Variants in PSMC3IP observed in about 807,000 individuals in gnomAD.
PSMC3IP encodes the protein homologous-pairing protein 2 homolog.
In PSMC3IP, 26 loss-of-function variants were observed where a neutral mutation model predicts 34.9. The observed-to-expected ratio is 0.74, with a 90% confidence interval of 0.55 to 1.03. The LOEUF (loss-of-function observed/expected upper bound fraction) is 1.03, where lower values mean the gene tolerates loss of function less well. PSMC3IP is among the 50% of genes least tolerant of loss of function. The pLI, the probability that PSMC3IP is intolerant of heterozygous loss-of-function variation, is 0.00. For missense variants in PSMC3IP, 250 were observed against 263.1 expected (o/e 0.95, Z 0.34); for synonymous variants, 87 against 96.5 (o/e 0.90, Z 0.57).
chr17:42,572,950 G>T lies in PSMC3IP; in HGVS notation c.*18C>A, dbSNP rs1160321417. 6 of 1,613,408 alleles carry T rather than the reference G, an allele frequency of 3.7e-6. No homozygotes were observed. In the South Asian group the frequency reaches 6.6e-5, roughly 18 times the overall value. On this transcript the variant is annotated 3_prime_UTR_variant, in exon 8 of 8. Coordinates refer to ENST00000393795, the MANE Select transcript of PSMC3IP (RefSeq NM_016556.4). The stretch of plus-strand genomic sequence containing the variant: ...TTCTGACATCCTGCAGTCCCCACCA[G>T]TCCTGACCGTGGGCCCCTCAGGGGT...
Position 42,574,255 on chromosome 17 carries a change from C to T in PSMC3IP, c.226-45G>A, listed in dbSNP as rs763312711. On this transcript the variant is annotated intron_variant, in intron 3 of 7. Coordinates refer to ENST00000393795, the MANE Select transcript of PSMC3IP (RefSeq NM_016556.4). Reference sequence around the variant, plus strand: ...AATACAAGTGAACTGTTGTGAGGCACAAAGATGGGAACACACACCTGGGAA... The same window carrying T: ...AATACAAGTGAACTGTTGTGAGGCATAAAGATGGGAACACACACCTGGGAA... The T allele has an allele frequency of 2.5e-6, 4 of 1,593,240 alleles. No homozygotes were observed. In the African/African-American group the frequency reaches 5.4e-5, roughly 21 times the overall value.
intron 4 of PSMC3IP, 50 bp from the exon 5 acceptor site, chr17:42,573,673 C>G: frequency 6.2e-7 from 1 of 1,602,098 alleles, no homozygotes; most frequent in Non-Finnish European, 8.5e-7. Context: ...GGAAGGAGTT[C>G]TGTCTTTCCC....
In PSMC3IP at chr17:42,577,307, C is replaced by T; in HGVS notation, c.136-5G>A. 2 of 1,613,920 alleles carry T rather than the reference C, an allele frequency of 1.2e-6. No homozygotes were observed. Among genetic ancestry groups the T allele is most frequent in the East Asian group, 2.2e-5 (1 of 44,880 alleles). On this transcript the variant is annotated splice_polypyrimidine_tract_variant and splice_region_variant and intron_variant, in intron 2 of 7. Transcript: ENST00000393795. ...CTCCAGCGTCTTCACCACCACCTGG[C>T]AGAGGAGAGAGAAGGAGCAATCAGA...
intron 3 of PSMC3IP, chr17:42,576,641 TA>T (rs903191339): frequency 5.5e-6 from 1 of 180,438 alleles, no homozygotes; most frequent in African/African-American, 2.4e-5. Flanking sequence ...CTATAAAAAT[TA>T]AAAAAATAAA....
In PSMC3IP at chr17:42,577,654, T is replaced by G; in HGVS notation, c.33A>C (p.Gly11=). 1 of 1,614,042 alleles carries G rather than the reference T, an allele frequency of 6.2e-7. No homozygotes were observed. Among genetic ancestry groups the G allele is most frequent in the South Asian group, 1.1e-5 (1 of 91,072 alleles). ...TCCCCGCGCCCACGGCGCCGTTACC[T>G]CCCGCCGCAGCTTCTGCCCGGCCTT... MSKGRAEAAA[G]AAGILLRYLQ... is the part of the protein sequence containing the mutation. Residue 11 remains glycine (G), a splice_region_variant and synonymous_variant, in exon 1 of 8, where the codon GGA becomes GGC. Transcript: ENST00000393795.
In PSMC3IP at chr17:42,572,491, G is replaced by A. The variant is rs2093039170; in HGVS notation, c.*477C>T. 1 of 454,186 alleles carries A rather than the reference G, an allele frequency of 2.2e-6. No homozygotes were observed. Among genetic ancestry groups the A allele is most frequent in the African/African-American group, 2.0e-5 (1 of 49,774 alleles). 28.1% of individuals were successfully genotyped at this position (454,186 alleles called of 1,614,324 possible). ...GGGGTGGGGTGAAAAGCGTACAAAA[G>A]ATACTTAAAAGGGCTCCTGGGGTAC... On this transcript the variant is annotated 3_prime_UTR_variant, in exon 8 of 8. Coordinates refer to ENST00000393795, the MANE Select transcript of PSMC3IP (RefSeq NM_016556.4).
intron 4 of PSMC3IP, 47 bp downstream of exon 4, chr17:42,574,052 A>G (rs773477148): frequency 1.2e-6 from 2 of 1,610,740 alleles, no homozygotes; most frequent in Non-Finnish European, 8.5e-7. Flanking sequence ...TGACCTCTAG[A>G]ATGAACCTAA....
chr17:42,576,573 G>A (rs928853560), intron 3 of PSMC3IP: 1 of 158,424 alleles, frequency 6.3e-6, no homozygotes, highest in African/African-American at 2.4e-5. Context: ...GCCAAGACAG[G>A]AGGATCACTT....
chr17:42,574,481 C>G, intron 3 of PSMC3IP: 1 of 958,388 alleles, frequency 1.0e-6, no homozygotes, highest in Non-Finnish European at 1.4e-6. Flanking sequence ...AGAAATCTTC[C>G]CATTTAGTGA....
rs1193167677 is a variant in PSMC3IP at position 42,575,249 on chromosome 17, G to T, written c.226-1039C>A. Among the ~76,000 whole-genome samples the T allele has an allele frequency of 3.9e-5, 6 of 152,294 alleles. No individual in the cohort carries two copies. The South Asian group carries it at 1.2e-3, about 32-fold the overall frequency. On this transcript the variant is annotated intron_variant, in intron 3 of 7. Transcript: ENST00000393795. The stretch of plus-strand genomic sequence containing the variant: ...TACACTTGGGCAAGGTGAACCTATA[G>T]GGCAGAGGCCAGCAAACTATGGCCA...
At position 42,572,563 on chromosome 17, in the gene PSMC3IP, C is replaced by T. The variant is rs2093040151; in HGVS notation, c.*405G>A. The stretch of plus-strand genomic sequence containing the variant: ...TGAAGCCGTGGGCCCTCCAAATGCT[C>T]GTTTTATAGCAACCTCTCTCTACCC... On this transcript the variant is annotated 3_prime_UTR_variant, in exon 8 of 8. Transcript: ENST00000393795. 3 of 453,212 alleles carry T rather than the reference C, an allele frequency of 6.6e-6. No homozygotes were observed. The highest frequency in any genetic ancestry group is 4.0e-5 in the African/African-American group (2 of 49,860). 28.1% of individuals were successfully genotyped at this position (453,212 alleles called of 1,614,324 possible).
At chr17:42,574,794 C>G (rs150619738) in intron 3 of PSMC3IP, among the ~76,000 whole-genome samples, 2,151 of 143,218 alleles carry the variant, frequency 0.015, 47 homozygotes, top group African/African-American at 0.051. Flanking sequence ...TTCTCTGTCA[C>G]CCAGGCCAGA....
At chr17:42,575,273 CA>C (rs1283017466) in intron 3 of PSMC3IP, among the ~76,000 whole-genome samples, 3 of 152,136 alleles carry the variant, frequency 2.0e-5, no homozygotes, top group Non-Finnish European at 4.4e-5. Flanking sequence ...AAACTATGGC[CA>C]GCAAGCCAAA....
chr17:42,577,637 C>T lies in PSMC3IP; in HGVS notation c.34+16G>A. On this transcript the variant is annotated intron_variant, in intron 1 of 7. Transcript: ENST00000393795. ...ACTGCCCTCCCGGGTCTTCCCCGCG[C>T]CCACGGCGCCGTTACCTCCCGCCGC... 1 of 1,614,188 alleles carries T rather than the reference C, an allele frequency of 6.2e-7. No individual in the cohort carries two copies. Among genetic ancestry groups the T allele is most frequent in the Non-Finnish European group, 8.5e-7 (1 of 1,180,042 alleles).
At chr17:42,574,406 G>A (rs372483893) in intron 3 of PSMC3IP, 196 bp from the exon 4 acceptor site, 1 of 1,354,148 alleles carries the variant, frequency 7.4e-7, no homozygotes, top group East Asian at 2.9e-5. Context: ...AAAAAGGTAG[G>A]AAAGAAAAGC....
At chr17:42,576,849 AG>A in intron 3 of PSMC3IP, 2 of 341,208 alleles carry the variant, frequency 5.9e-6, no homozygotes, top group Non-Finnish European at 1.1e-5. Context: ...GACAGATTCC[AG>A]CTGGAGGTCT....
At chr17:42,574,714 TCC>T (rs2093062649) in intron 3 of PSMC3IP, among the ~76,000 whole-genome samples, 1 of 17,620 alleles carries the variant, frequency 5.7e-5, no homozygotes, top group African/African-American at 6.3e-5. Flanking sequence ...CCTCCCTCCC[TCC>T]TTCCCCCTCC....
At chr17:42,576,215 A>T (rs1016597972) in intron 3 of PSMC3IP, among the ~76,000 whole-genome samples, 51 of 152,200 alleles carry the variant, frequency 3.4e-4, no homozygotes, top group African/African-American at 1.2e-3. Flanking sequence ...AACACACCAG[A>T]ATTATCTAGT....
chr17:42,576,019 T>TCAACAACAA (rs565806254), intron 3 of PSMC3IP, among the ~76,000 whole-genome samples: 1 of 151,800 alleles, frequency 6.6e-6, no homozygotes, highest in African/African-American at 2.4e-5. Context: ...AGACTCCGTC[T>TCAACAACAA]CAACAACAAC....
Sources: allele counts gnomAD v4.1 joint callset (sites outside exome capture counted in the v4.1 genomes callset), GRCh38; gene constraint gnomAD v4.1.1; transcripts MANE v1.5; gene names NCBI Gene and HGNC (gene_info 2026-07-23, HGNC 2026-07-21).